LCTL: variants seen among roughly 807,000 people sequenced by gnomAD.
LCTL encodes the protein lactase-like protein.
LCTL carries 76 observed loss-of-function variants against 75.8 expected under a neutral mutation model. The observed-to-expected ratio is 1.00, with a 90% CI of 0.83 to 1.21. The LOEUF (loss-of-function observed/expected upper bound fraction) is 1.21, where lower values mean the gene tolerates loss of function less well. Ranked by LOEUF, LCTL falls within the 50% of genes most tolerant of loss-of-function variation. The pLI is 0.00. For synonymous variants in LCTL, 271 were observed against 268.8 expected (o/e 1.01, Z -0.08); for missense variants, 670 against 712.4 (o/e 0.94, Z 0.68).
chr15:66,551,892 T>TTGAA, intron 10 of LCTL, 31 bp from the exon 12 acceptor site: 1 of 1,555,514 alleles, frequency 6.4e-7, no homozygotes, highest in Non-Finnish European at 8.8e-7. Context: ...ATTTTAAATA[T>TTGAA]ATTTCATTTA....
chr15:66,565,303 G>A (rs190444476), exon 1 of LCTL: 35 of 1,613,842 alleles, frequency 2.2e-5, no homozygotes, highest in Non-Finnish European at 2.7e-5. Flanking sequence ...CCTTCCGGGC[G>A]GCCCCCAGCC....
At chr15:66,564,984 T>A (rs951361589) in intron 1 of LCTL, 145 bp from the exon 3 acceptor site, 1 of 763,304 alleles carries the variant, frequency 1.3e-6, no homozygotes, top group Non-Finnish European at 2.1e-6. Flanking sequence ...TTCCTAGGAG[T>A]GTGAGCACAT....
intron 4 of LCTL, among the ~76,000 whole-genome samples, chr15:66,561,662 A>G (rs1235633414): frequency 6.6e-6 from 1 of 152,142 alleles, no homozygotes; most frequent in African/African-American, 2.4e-5. Context: ...CCAACCAAAG[A>G]CATCTGCCCA....
At chr15:66,563,969 G>A (rs999218306) in exon 3 of LCTL, 17 of 1,613,894 alleles carry the variant, frequency 1.1e-5, no homozygotes, top group African/African-American at 4.0e-5. Flanking sequence ...AGTGGTTGAC[G>A]TGCAGTTCCC....
At chr15:66,551,789 C>A in exon 11 of LCTL, 3 of 1,613,814 alleles carry the variant, frequency 1.9e-6, no homozygotes, top group Non-Finnish European at 2.5e-6. Flanking sequence ...ATCTGAGTAT[C>A]CTTTCTCCCA....
At chr15:66,559,778 C>G (rs1167418865) in intron 6 of LCTL, among the ~76,000 whole-genome samples, 1 of 152,174 alleles carries the variant, frequency 6.6e-6, no homozygotes, top group Non-Finnish European at 1.5e-5. Flanking sequence ...AAAATGACTT[C>G]CATGTTTAAT....
intron 4 of LCTL, among the ~76,000 whole-genome samples, chr15:66,562,626 C>T (rs1895919231): frequency 6.6e-6 from 1 of 151,256 alleles, no homozygotes; most frequent in Non-Finnish European, 1.5e-5. Flanking sequence ...TTCTCATTGC[C>T]CAGGCTGGAG....
chr15:66,562,229 C>T (rs1895906346), intron 4 of LCTL, among the ~76,000 whole-genome samples: 1 of 152,024 alleles, frequency 6.6e-6, no homozygotes. Context: ...ATGGCGAAAC[C>T]CTGTCTTTAC....
chr15:66,551,555 C>T, intron 11 of LCTL, 107 bp downstream of exon 12: 1 of 861,102 alleles, frequency 1.2e-6, no homozygotes, highest in African/African-American at 1.7e-5. Context: ...ATGCCCCGTC[C>T]TCTTTCATGG....
At chr15:66,549,982 G>A (rs1040131084) in intron 12 of LCTL, 59 bp downstream of exon 13, 66 of 1,130,858 alleles carry the variant, frequency 5.8e-5, no homozygotes, top group Non-Finnish European at 8.0e-5. Context: ...TTTTGAAAAT[G>A]ATATGTATAA....
At chr15:66,553,694 G>A (rs1450964454) in intron 8 of LCTL, among the ~76,000 whole-genome samples, 3 of 150,384 alleles carry the variant, frequency 2.0e-5, no homozygotes, top group Admixed American at 6.7e-5. Flanking sequence ...GGTGGAGCTT[G>A]CAGTGAGCCA....
intron 6 of LCTL, 128 bp downstream of exon 7, chr15:66,560,878 G>A: frequency 1.3e-6 from 1 of 744,072 alleles, no homozygotes; most frequent in Non-Finnish European, 2.2e-6. Context: ...AATCGTCACA[G>A]AAGGGAAGGT....
At chr15:66,564,399 T>G in intron 2 of LCTL, 1 of 484,676 alleles carries the variant, frequency 2.1e-6, no homozygotes, top group South Asian at 2.7e-5. Flanking sequence ...GGATCAGCCC[T>G]TCAGCTCCCC....
At chr15:66,557,849 C>A in exon 8 of LCTL, 1 of 1,614,080 alleles carries the variant, frequency 6.2e-7, no homozygotes, top group Non-Finnish European at 8.5e-7. Context: ...CCACAGGTTC[C>A]CCCCAGTCAC....
chr15:66,549,794 G>C, intron 12 of LCTL: 1 of 325,892 alleles, frequency 3.1e-6, no homozygotes, highest in Non-Finnish European at 5.5e-6. Context: ...AAATTTATAG[G>C]TATGATTCTG....
chr15:66,552,995 T>A, exon 9 of LCTL: 1 of 1,461,074 alleles, frequency 6.8e-7, no homozygotes, highest in Non-Finnish European at 9.0e-7. Context: ...TGAGCAAAGT[T>A]AAGGAGCCTC....
chr15:66,560,943 G>T, intron 6 of LCTL, 63 bp downstream of exon 7: 2 of 1,482,012 alleles, frequency 1.3e-6, no homozygotes, highest in East Asian at 4.5e-5. Flanking sequence ...GCTCAGGCTA[G>T]AGCCCCTGGG....
chr15:66,565,433 T>A (rs917102842), exon 1 of LCTL: 4 of 1,042,006 alleles, frequency 3.8e-6, no homozygotes, highest in Non-Finnish European at 5.7e-6. Context: ...GCCAGGCTGA[T>A]GGCCAGGTCT....
In LCTL at chr15:66,553,249, CTCTT is replaced by C. The variant is rs748982260; in HGVS notation, c.928_931del (p.Lys310ValfsTer31). 5.2e-6 allele frequency: 8 copies of C among 1,553,162 alleles called. No individual in the cohort carries two copies. The highest frequency in any genetic ancestry group is 1.7e-6 in the Non-Finnish European group (2 of 1,152,580). On this transcript the variant is annotated frameshift_variant, in exon 9 of 13. Coordinates refer to ENST00000341509, the Ensembl canonical transcript of LCTL. LOFTEE classifies it high-confidence loss of function. ...CGACATCTCCAGGCCTTGCTCTGCA[CTCTT>C]TCTTCCTTTTGAGAGAGAAAAGTAG...
Sources: allele counts gnomAD v4.1 joint callset (sites outside exome capture counted in the v4.1 genomes callset), GRCh38; gene constraint gnomAD v4.1.1; transcripts MANE v1.5; gene names NCBI Gene and HGNC (gene_info 2026-07-23, HGNC 2026-07-21).